Variants in ERBB4 observed in about 807,000 individuals in gnomAD.
ERBB4 encodes the protein erb-b2 receptor tyrosine kinase 4, also known as receptor tyrosine-protein kinase erbB-4.
In ERBB4, 42 loss-of-function variants were observed where a neutral mutation model predicts 158.0. That is an observed-to-expected ratio of 0.27 (90% CI 0.21 to 0.34). The LOEUF is 0.34. Among genes scored for constraint, ERBB4 ranks in the 10% least tolerant of loss-of-function variants. The probability of loss-of-function intolerance (pLI) is 1.00; values close to 1 mark genes in which losing one functional copy is unlikely to be tolerated. For missense variants in ERBB4, 1,333 were observed against 1,624.1 expected (o/e 0.82, Z 3.08); for synonymous variants, 583 against 558.7 (o/e 1.04, Z -0.61).
At chr2:212,484,967 G>T (rs1016454132) in intron 1 of ERBB4, among the ~76,000 whole-genome samples, 2 of 152,036 alleles carry the variant, frequency 1.3e-5, no homozygotes, top group Admixed American at 6.5e-5. Context: ...CCCTTTCTCT[G>T]GCCACAGTGA....
chr2:212,498,269 A>G (rs575887970), intron 1 of ERBB4, among the ~76,000 whole-genome samples: 2 of 152,226 alleles, frequency 1.3e-5, no homozygotes, highest in South Asian at 2.1e-4. Context: ...AGGATCAAAG[A>G]GGCTACAGCT....
At chr2:212,137,902 C>T (rs1243949396) in intron 1 of ERBB4, among the ~76,000 whole-genome samples, 1 of 152,136 alleles carries the variant, frequency 6.6e-6, no homozygotes, top group Non-Finnish European at 1.5e-5. Flanking sequence ...ACAGCCACCA[C>T]TAGAGAAATA....
At chr2:212,302,327 C>T (rs1022707802) in intron 1 of ERBB4, among the ~76,000 whole-genome samples, 1 of 151,294 alleles carries the variant, frequency 6.6e-6, no homozygotes, top group Non-Finnish European at 1.5e-5. Flanking sequence ...ATATTTAATA[C>T]AAATGTTTAA....
At chr2:212,211,614 A>C (rs12613062) in intron 1 of ERBB4, among the ~76,000 whole-genome samples, 82,210 of 141,844 alleles carry the variant, frequency 0.58, 23,031 homozygotes, top group East Asian at 0.77. Flanking sequence ...TAAAAAATTT[A>C]TCTAAAAAAA....
chr2:212,019,716 T>C lies in ERBB4; in HGVS notation c.235-72100A>G, dbSNP rs561281954. ...AGGTGGAGGTTGCAGTGAGCCAAGATTGTGCCACTGCATCCAGCCTGGAAA... is the reference window on the plus strand; with the variant it reads ...AGGTGGAGGTTGCAGTGAGCCAAGACTGTGCCACTGCATCCAGCCTGGAAA... On this transcript the variant is annotated intron_variant, in intron 2 of 27. Transcript: ENST00000342788. Among the ~76,000 whole-genome samples the C allele has an allele frequency of 4.9e-5, 7 of 144,252 alleles. No individual in the cohort carries two copies. In the South Asian group the frequency reaches 1.3e-3, roughly 26 times the overall value. 94.6% of individuals were successfully genotyped at this position (144,252 alleles called of 152,430 possible).
At chr2:212,526,902 T>C (rs1434082550) in intron 1 of ERBB4, among the ~76,000 whole-genome samples, 1 of 152,110 alleles carries the variant, frequency 6.6e-6, no homozygotes, top group Non-Finnish European at 1.5e-5. Context: ...ATTTGTAAAC[T>C]GTATGGGAAC....
At chr2:212,052,007 T>C (rs2077412677) in intron 2 of ERBB4, among the ~76,000 whole-genome samples, 1 of 152,168 alleles carries the variant, frequency 6.6e-6, no homozygotes, top group African/African-American at 2.4e-5. Flanking sequence ...GGATGCAGAA[T>C]AGTGCTCCTA....
intron 1 of ERBB4, among the ~76,000 whole-genome samples, chr2:212,159,671 C>A (rs1230958863): frequency 1.3e-5 from 2 of 151,492 alleles, no homozygotes; most frequent in Non-Finnish European, 2.9e-5. Context: ...TGAAAGCCTG[C>A]ACAATTAAAA....
At chr2:211,754,688 T>C (rs2075246549) in intron 4 of ERBB4, among the ~76,000 whole-genome samples, 1 of 151,314 alleles carries the variant, frequency 6.6e-6, no homozygotes, top group South Asian at 2.1e-4. Context: ...ATTACAGGCA[T>C]GAGCCACTGT....
At chr2:211,448,988 G>A (rs1009571838) in intron 20 of ERBB4, among the ~76,000 whole-genome samples, 4 of 151,946 alleles carry the variant, frequency 2.6e-5, no homozygotes, top group Non-Finnish European at 4.4e-5. Context: ...TAATAAATTT[G>A]TTAATTACTA....
intron 2 of ERBB4, among the ~76,000 whole-genome samples, chr2:211,961,552 G>C (rs2081180331): frequency 1.3e-5 from 2 of 152,082 alleles, no homozygotes; most frequent in African/African-American, 2.4e-5. Context: ...TAACTTGTTA[G>C]CTTGCAAACA....
At chr2:212,355,823 T>C (rs923562420) in intron 1 of ERBB4, among the ~76,000 whole-genome samples, 6 of 151,984 alleles carry the variant, frequency 3.9e-5, no homozygotes, top group Admixed American at 6.6e-5. Context: ...TGTGAGTGTG[T>C]ATATATATGT....
intron 1 of ERBB4, among the ~76,000 whole-genome samples, chr2:212,270,325 G>A (rs2085297851): frequency 6.6e-6 from 1 of 151,716 alleles, no homozygotes; most frequent in South Asian, 2.1e-4. Flanking sequence ...TACTGAAATT[G>A]TCACTTAGCT....
At chr2:212,078,811 A>G (rs2078348604) in intron 2 of ERBB4, among the ~76,000 whole-genome samples, 1 of 151,274 alleles carries the variant, frequency 6.6e-6, no homozygotes, top group African/African-American at 2.4e-5. Context: ...AGTAATTAAT[A>G]CTATTAATTA....
rs201213427 is a variant in ERBB4, at chr2:211,398,734, A to G, written c.3136-10742T>C. 9.8e-5 allele frequency among the ~76,000 whole-genome samples: 15 copies of G among 152,292 alleles called. No individual in the cohort carries two copies. In the East Asian group the frequency reaches 2.7e-3, roughly 27 times the overall value. Reference sequence around the variant, plus strand: ...TAATCCCAGTTACTTGGGAGGCTGAAGCAGGAGAATTGCTTGAACCCAAGA... The same window carrying G: ...TAATCCCAGTTACTTGGGAGGCTGAGGCAGGAGAATTGCTTGAACCCAAGA... On this transcript the variant is annotated intron_variant, in intron 25 of 27. Coordinates refer to ENST00000342788, the MANE Select transcript of ERBB4 (RefSeq NM_005235.3).
intron 2 of ERBB4, among the ~76,000 whole-genome samples, chr2:212,033,778 C>T (rs1356170784): frequency 6.6e-6 from 1 of 151,796 alleles, no homozygotes; most frequent in African/African-American, 2.4e-5. Context: ...ATCTCTGCTA[C>T]TTATTAGCTA....
rs1485157169 is a variant in ERBB4, at chr2:212,396,759, GT to G, written c.82+141689del. Among the ~76,000 whole-genome samples the G allele has an allele frequency of 3.9e-5, 6 of 152,148 alleles. No individual in the cohort carries two copies. In the East Asian group the frequency reaches 1.2e-3, roughly 29 times the overall value. On this transcript the variant is annotated intron_variant, in intron 1 of 27. Transcript: ENST00000342788. ...TATTTTTTACTTAATGACATGAGTA[GT>G]TTTTTTGAATTATTTCTTAAAAGAA... is the stretch of plus-strand genomic sequence containing the variant.
intron 25 of ERBB4, among the ~76,000 whole-genome samples, chr2:211,403,503 G>A (rs1300378478): frequency 1.3e-5 from 2 of 152,032 alleles, no homozygotes; most frequent in African/African-American, 4.8e-5. Flanking sequence ...AATTATGCCT[G>A]GCTTGGTCCC....
chr2:212,097,271 T>C (rs1170751063), intron 2 of ERBB4, among the ~76,000 whole-genome samples: 3 of 152,030 alleles, frequency 2.0e-5, no homozygotes, highest in African/African-American at 7.2e-5. Flanking sequence ...AAGTGTGCCA[T>C]TACAATTTAG....
Sources: gnomAD v4.1 joint callset for allele counts (sites outside exome capture counted in the v4.1 genomes callset) on GRCh38, gnomAD v4.1.1 for gene constraint, MANE v1.5 for transcripts, NCBI Gene and HGNC (gene_info 2026-07-23, HGNC 2026-07-21) for gene names.